Variants in MTMR10 observed in about 807,000 individuals in gnomAD.
MTMR10 encodes the protein myotubularin-related protein 10.
A neutral mutation model predicts 88.1 loss-of-function variants in MTMR10; 56 were observed. That is an observed-to-expected ratio of 0.64 (90% CI 0.51 to 0.79). MTMR10 has a LOEUF of 0.79. MTMR10 is among the 30% of genes least tolerant of loss of function. MTMR10 has a pLI of 0.00. For missense variants in MTMR10, 883 were observed against 924.7 expected (o/e 0.95, Z 0.58); for synonymous variants, 380 against 340.9 (o/e 1.11, Z -1.26).
At position 30,961,059 on chromosome 15, in the gene MTMR10, C is replaced by A; in HGVS notation, c.580G>T (p.Gly194Ter). 6.5e-7 allele frequency: 1 copy of A among 1,547,576 alleles called. No individual in the cohort carries two copies. The highest frequency in any genetic ancestry group is 2.4e-5 in the East Asian group (1 of 40,990). ...KYHNSANKIN[G>*]IPSGDGGGGG... ...CCTCCTCCATCTCCTGAGGGAATTCCATTAATTTTGTTTGCTGTAGGAAAA... is the reference window on the plus strand; with the variant it reads ...CCTCCTCCATCTCCTGAGGGAATTCAATTAATTTTGTTTGCTGTAGGAAAA... The change falls in exon 7 of 16, where the codon GGA becomes TGA. Residue 194 changes from glycine (G) to a stop codon, truncating the protein, a stop_gained. Coordinates refer to ENST00000435680, the MANE Select transcript of MTMR10 (RefSeq NM_017762.3). LOFTEE classifies it high-confidence loss of function.
chr15:30,941,149 GTGAC>G lies in MTMR10; in HGVS notation c.*317_*320del, dbSNP rs3840035. ...TTGTCTGCTGCCTGGGGCTGCTAAT[GTGAC>G]TGACTATCAGATAGCCTTCAGGAGG... On this transcript the variant is annotated 3_prime_UTR_variant, in exon 16 of 16. Transcript: ENST00000435680. The G allele has an allele frequency of 0.32, 412,081 of 1,305,918 alleles. 67,451 individuals carry two copies. Among genetic ancestry groups the G allele is most frequent in the Non-Finnish European group, 0.34 (338,279 of 1,001,814 alleles). The allele number at this position is 1,305,918 out of a possible 1,614,324, so 80.9% of individuals were successfully genotyped here.
At chr15:30,972,280 G>A (rs564106793) in intron 5 of MTMR10, among the ~76,000 whole-genome samples, 9 of 152,188 alleles carry the variant, frequency 5.9e-5, no homozygotes, top group Non-Finnish European at 8.8e-5. Flanking sequence ...TCACAAAGCC[G>A]TCAAGCTTTG....
chr15:30,947,203 T>C lies in MTMR10; in HGVS notation c.1475A>G (p.Tyr492Cys). 1 of 1,614,004 alleles carries C rather than the reference T, an allele frequency of 6.2e-7. No individual in the cohort carries two copies. Residue 492 changes from tyrosine (Y) to cysteine (C), a missense_variant, in exon 14 of 16, where the codon TAT becomes TGT. By Grantham distance (194) the Tyr-to-Cys change is radical. Around this residue, in one of 3 missense-constraint regions of MTMR10, gnomAD observed 126 missense variants for 178.2 expected, o/e 0.71. Coordinates refer to ENST00000435680, the MANE Select transcript of MTMR10 (RefSeq NM_017762.3). ...AAACAGTGAGATCCGGGTGCTGTCATACAACACTGCCAGGTAGGTTTCGGA... is the reference window on the plus strand; with the variant it reads ...AAACAGTGAGATCCGGGTGCTGTCACACAACACTGCCAGGTAGGTTTCGGA... ...EFSETYLAVL[Y>C]DSTRISLFGT...
At chr15:30,935,536 A>G (rs574744068), downstream of MTMR10, among the ~76,000 whole-genome samples, 10 of 152,336 alleles carry the variant, frequency 6.6e-5, no homozygotes, top group African/African-American at 2.4e-4. Flanking sequence ...ATTAGGTATT[A>G]TAAGTAGAGA....
intron 14 of MTMR10, among the ~76,000 whole-genome samples, chr15:30,945,498 C>T (rs1223621062): frequency 6.6e-6 from 1 of 152,054 alleles, no homozygotes; most frequent in African/African-American, 2.4e-5. Flanking sequence ...CTGCCCAGTC[C>T]CCAGACCCCA....
the MTMR10 span, chr15:30,920,662 A>G: frequency 6.6e-7 from 1 of 1,512,868 alleles, no homozygotes; most frequent in Admixed American, 1.7e-5. Context: ...AGGTTAGAGC[A>G]CAGGTCCCTG....
At chr15:30,974,518 T>C in intron 4 of MTMR10, 62 bp from the exon 5 acceptor site, 1 of 1,336,580 alleles carries the variant, frequency 7.5e-7, no homozygotes, top group Admixed American at 2.9e-5. Flanking sequence ...ACTCACCCTT[T>C]AATACAAATT....
At chr15:30,922,121 G>C in the MTMR10 span, 1 of 1,346,288 alleles carries the variant, frequency 7.4e-7, no homozygotes, top group Non-Finnish European at 1.0e-6. Context: ...CCTCATTGTA[G>C]AATGGAAAGA....
At position 30,960,983 on chromosome 15, in the gene MTMR10, G is replaced by A; in HGVS notation, c.656C>T (p.Pro219Leu). The A allele has an allele frequency of 6.3e-7, 1 of 1,595,484 alleles. No individual in the cohort carries two copies. The highest frequency in any genetic ancestry group is 8.5e-7 in the Non-Finnish European group (1 of 1,169,934). ...GAGGGSSQKT[P>L]LFETYSDWDR... ...CCAATCCGAGTAAGTTTCAAAGAGT[G>A]GAGTTTTCTGGCTGCTGCCACCACC... The change falls in exon 7 of 16, where the codon CCA becomes CTA. Residue 219 changes from proline to leucine, a missense_variant. By Grantham distance (98) the Pro-to-Leu change is moderately conservative. Around this residue, in one of 3 missense-constraint regions of MTMR10, gnomAD observed 414 missense variants for 423.2 expected, o/e 0.98. Transcript: ENST00000435680.
At chr15:30,991,378 G>A (rs943937354) in intron 1 of MTMR10, 69 bp downstream of exon 1, 22 of 1,365,050 alleles carry the variant, frequency 1.6e-5, no homozygotes, top group South Asian at 1.4e-4. Flanking sequence ...TCCAGTTCCC[G>A]GGGGTCGGCC....
At chr15:30,926,317 T>G in the MTMR10 span, among the ~76,000 whole-genome samples, 3 of 152,298 alleles carry the variant, frequency 2.0e-5, no homozygotes, top group Admixed American at 1.3e-4. Flanking sequence ...GCCCCAGATA[T>G]CCTCTCAGGG....
chr15:30,921,041 C>G, the MTMR10 span, among the ~76,000 whole-genome samples: 2 of 152,222 alleles, frequency 1.3e-5, no homozygotes, highest in Non-Finnish European at 2.9e-5. Flanking sequence ...ACCTTGGCCT[C>G]TGATGCTTTG....
chr15:30,958,740 T>C (rs2063360141), intron 9 of MTMR10, 123 bp downstream of exon 9: 8 of 967,760 alleles, frequency 8.3e-6, no homozygotes, highest in Non-Finnish European at 1.3e-5. Flanking sequence ...AATTCTTATA[T>C]AAAACATGGT....
chr15:30,955,085 A>C (rs1474686228), intron 9 of MTMR10, among the ~76,000 whole-genome samples, 192 bp from the exon 10 acceptor site: 1 of 151,702 alleles, frequency 6.6e-6, no homozygotes, highest in African/African-American at 2.4e-5. Flanking sequence ...CTATTCCATC[A>C]GGTTTCTCTG....
At chr15:30,947,570 G>A (rs963743443) in intron 13 of MTMR10, among the ~76,000 whole-genome samples, 1 of 152,110 alleles carries the variant, frequency 6.6e-6, no homozygotes, top group Non-Finnish European at 1.5e-5. Flanking sequence ...CTATATGAAG[G>A]GGGAAGAGCA....
intron 14 of MTMR10, among the ~76,000 whole-genome samples, chr15:30,944,383 T>C (rs972984226): frequency 5.9e-5 from 9 of 151,800 alleles, no homozygotes; most frequent in South Asian, 2.1e-4. Context: ...CTGGCCAATA[T>C]GGTGAAACCC....
the MTMR10 span, among the ~76,000 whole-genome samples, chr15:30,923,788 T>C: frequency 6.6e-6 from 1 of 152,242 alleles, no homozygotes; most frequent in South Asian, 2.1e-4. Context: ...CCTTCACTGA[T>C]TTTCAATTTC....
chr15:30,928,519 T>TGTGA, the MTMR10 span: 1 of 1,607,598 alleles, frequency 6.2e-7, no homozygotes. Flanking sequence ...TGTGTGTGTG[T>TGTGA]GTGTGTGTGT....
chr15:30,937,319 T>A (rs73366503), downstream of MTMR10: 6,216 of 1,500,826 alleles, frequency 4.1e-3, 208 homozygotes, highest in African/African-American at 0.076. Flanking sequence ...GTATAAAACA[T>A]GTTTTATTTA....
Sources: gnomAD v4.1 joint callset for allele counts (sites outside exome capture counted in the v4.1 genomes callset) on GRCh38, gnomAD v4.1.1 for gene constraint, gnomAD v4.1.1 regional missense constraint, MANE v1.5 for transcripts, NCBI Gene and HGNC (gene_info 2026-07-23, HGNC 2026-07-21) for gene names.